Variants in ZSCAN18 observed in about 807,000 individuals in gnomAD.
The protein encoded by ZSCAN18 is zinc finger and SCAN domain containing 18, also known as zinc finger and SCAN domain-containing protein 18.
Under a neutral mutation model 31.1 loss-of-function variants are expected in ZSCAN18, and 16 were observed. The observed-to-expected ratio is 0.51, with a 90% confidence interval of 0.35 to 0.78. ZSCAN18 has a LOEUF of 0.78. Among genes scored for constraint, ZSCAN18 ranks in the 30% least tolerant of loss-of-function variants. ZSCAN18 has a pLI of 0.01. For missense variants in ZSCAN18, 731 were observed against 697.4 expected (o/e 1.05, Z -0.54); for synonymous variants, 375 against 320.7 (o/e 1.17, Z -1.81).
chr19:58,094,216 T>C (rs1461490451), intron 1 of ZSCAN18, among the ~76,000 whole-genome samples: 2 of 149,648 alleles, frequency 1.3e-5, no homozygotes, highest in East Asian at 4.0e-4. Context: ...GCTAACACCG[T>C]GAAACCCCAT....
At chr19:58,094,877 CAAAAAAAAAAAAAAA>C (rs56377325) in intron 1 of ZSCAN18, among the ~76,000 whole-genome samples, 3 of 35,282 alleles carry the variant, frequency 8.5e-5, no homozygotes, top group Admixed American at 4.7e-4. Flanking sequence ...GACCCTGTCG[CAAAAAAAAAAAAAAA>C]AAAAAAAAAA....
upstream of ZSCAN18, chr19:58,098,379 G>C: frequency 1.0e-6 from 1 of 985,540 alleles, no homozygotes; most frequent in Non-Finnish European, 1.2e-6. Flanking sequence ...TGGCCTCCCG[G>C]CGTCCCGCCC....
chr19:58,104,252 G>A (rs190324408), intron 1 of ZSCAN18, among the ~76,000 whole-genome samples: 188 of 152,232 alleles, frequency 1.2e-3, no homozygotes, highest in African/African-American at 4.3e-3. Context: ...GGTGGCGTGC[G>A]CCTGTAGTCC....
At chr19:58,094,272 A>G (rs191915152) in intron 1 of ZSCAN18, among the ~76,000 whole-genome samples, 54 of 151,728 alleles carry the variant, frequency 3.6e-4, no homozygotes, top group African/African-American at 2.7e-4. Flanking sequence ...TTAGCCAGGC[A>G]TGGTGGCAGG....
chr19:58,087,289 C>T, intron 4 of ZSCAN18, 27 bp downstream of exon 4: 1 of 1,581,520 alleles, frequency 6.3e-7, no homozygotes, highest in Non-Finnish European at 8.6e-7. Flanking sequence ...GCCAAGGCCC[C>T]TCACCCACCT....
intron 3 of ZSCAN18, 187 bp downstream of exon 3, chr19:58,088,501 C>G: frequency 1.7e-6 from 1 of 583,164 alleles, no homozygotes; most frequent in East Asian, 2.8e-5. Context: ...TCTGCATAAT[C>G]TCTGAAGACT....
At position 58,118,222 on chromosome 19, in the gene ZSCAN18, G is replaced by GCAGCCACCGCC. The variant is rs757005684; in HGVS notation, c.130+34_130+44dup. On this transcript the variant is annotated intron_variant, in intron 1 of 1. Transcript: ENST00000595721. ...CCTCACAGACAGAAAGAGCGACCAC[G>GCAGCCACCGCC]CAGCCACCGCCCAGCCCCAGCCGCT... The GCAGCCACCGCC allele has an allele frequency of 6.2e-5, 61 of 979,358 alleles. No individual in the cohort carries two copies. The African/African-American group carries it at 9.4e-4, about 15-fold the overall frequency. 60.7% of individuals were successfully genotyped at this position (979,358 alleles called of 1,614,324 possible). A position where few individuals can be genotyped will look rare whatever the true frequency, so the allele number is the denominator to read the frequency against.
At position 58,085,329 on chromosome 19, in the gene ZSCAN18, G is replaced by A; in HGVS notation, c.889C>T (p.Pro297Ser). 2 of 1,595,182 alleles carry A rather than the reference G, an allele frequency of 1.3e-6. No individual in the cohort carries two copies. Among genetic ancestry groups the A allele is most frequent in the Non-Finnish European group, 1.7e-6 (2 of 1,177,894 alleles). Residue 297 changes from proline to serine, a missense_variant, in exon 7 of 7, where the codon CCC becomes TCC. Coordinates refer to ENST00000601144, the MANE Select transcript of ZSCAN18 (RefSeq NM_001145543.2). ...GGCAGCTCAGGCAGCACCCCCGCGG[G>A]GGCGGCCTCCTCGCAGGCGCACCCA... ...SAGCACEEAAPAGVLPELPTE... is the reference protein window; with the variant it reads ...SAGCACEEAASAGVLPELPTE...
At chr19:58,086,383 G>A in intron 5 of ZSCAN18, 117 bp from the exon 6 acceptor site, 1 of 867,502 alleles carries the variant, frequency 1.2e-6, no homozygotes, top group Non-Finnish European at 1.8e-6. Context: ...CTCTGTACTG[G>A]GACCCCCACC....
At chr19:58,097,892 C>A (rs1599993596) in intron 1 of ZSCAN18, 13 of 968,296 alleles carry the variant, frequency 1.3e-5, no homozygotes, top group Middle Eastern at 1.1e-3. Context: ...CTCCCCTCCA[C>A]GAGCCTACAC....
intron 2 of ZSCAN18, 88 bp downstream of exon 2, chr19:58,089,777 T>C (rs1171621107): frequency 1.3e-6 from 2 of 1,485,764 alleles, no homozygotes; most frequent in Non-Finnish European, 1.8e-6. Flanking sequence ...AACTTAACTA[T>C]CTCAGGCAAG....
At chr19:58,094,645 C>T (rs192463070) in intron 1 of ZSCAN18, among the ~76,000 whole-genome samples, 33 of 150,570 alleles carry the variant, frequency 2.2e-4, no homozygotes, top group East Asian at 4.0e-4. Flanking sequence ...TGGGAGGCCA[C>T]GGTAGGTGGA....
rs775768783 is a variant in ZSCAN18 at position 58,090,120 on chromosome 19, G to C, written c.148C>G (p.Leu50Val). ...RTPADLEFSR[L>V]RFREFVYQEA... ...TGGTAGACAAATTCCCGGAAACGCA[G>C]GCGGGAGAACTCCAGGTCAGCAGGG... The change falls in exon 2 of 7, where the codon CTG becomes GTG. Residue 50 changes from leucine (L) to valine (V), a missense_variant. By Grantham distance (32) the Leu-to-Val change is conservative. Around this residue, in one of 4 missense-constraint regions of ZSCAN18, gnomAD observed 86 missense variants for 119.1 expected, o/e 0.72. Coordinates refer to ENST00000601144, the MANE Select transcript of ZSCAN18 (RefSeq NM_001145543.2). The surrounding 1 kb of genome is among the most constrained non-coding windows in gnomAD (Gnocchi z 4.7). The C allele has an allele frequency of 6.2e-7, 1 of 1,613,836 alleles. No homozygotes were observed. Among genetic ancestry groups the C allele is most frequent in the Non-Finnish European group, 8.5e-7 (1 of 1,179,894 alleles).
chr19:58,110,736 C>T lies in ZSCAN18; in HGVS notation c.130+7531G>A, dbSNP rs552871071. Among the ~76,000 whole-genome samples, 12 of 152,332 alleles carry T rather than the reference C, an allele frequency of 7.9e-5. No individual in the cohort carries two copies. The South Asian group carries it at 2.5e-3, about 32-fold the overall frequency. On this transcript the variant is annotated intron_variant, in intron 1 of 1. Transcript: ENST00000595721. ...CACTGTGGTCCAAGTTATAATCACCCTTTTATTATAAATTGAAGCATAATT... is the reference window on the plus strand; with the variant it reads ...CACTGTGGTCCAAGTTATAATCACCTTTTTATTATAAATTGAAGCATAATT...
chr19:58,093,179 C>T (rs1362336569), intron 1 of ZSCAN18: 1 of 152,296 alleles, frequency 6.6e-6, no homozygotes, highest in Non-Finnish European at 1.5e-5. Context: ...CGCTCACTGC[C>T]CCCGCCTTTT....
upstream of ZSCAN18, chr19:58,098,278 C>T (rs76612210): frequency 3.0e-3 from 2,934 of 985,494 alleles, 56 homozygotes; most frequent in African/African-American, 0.047. Flanking sequence ...CGGACTACGA[C>T]TCCCACAATG....
upstream of ZSCAN18, chr19:58,098,439 C>G (rs1308758106): frequency 1.1e-6 from 1 of 939,362 alleles, no homozygotes. Context: ...AGTAAACAAG[C>G]GGGTAAATAA....
chr19:58,108,652 G>A (rs1256949112), intron 1 of ZSCAN18: 33 of 985,508 alleles, frequency 3.3e-5, no homozygotes, highest in Non-Finnish European at 4.0e-5. Context: ...CGGTCTAACG[G>A]ACAGTCCACA....
Position 58,089,409 on chromosome 19 carries a change from C to A in ZSCAN18, c.403+456G>T, listed in dbSNP as rs1009764218. Among the ~76,000 whole-genome samples, 6 of 149,520 alleles carry A rather than the reference C, an allele frequency of 4.0e-5. No individual in the cohort carries two copies. In the East Asian group the frequency reaches 6.0e-4, roughly 15 times the overall value. The stretch of plus-strand genomic sequence containing the variant: ...TTGGGAGACCAAGGCGGGCAGATCA[C>A]GAGGTCAGGAGATTGATACCATCCT... On this transcript the variant is annotated intron_variant, in intron 2 of 6. Transcript: ENST00000601144.
Sources: gnomAD v4.1 joint callset for allele counts (sites outside exome capture counted in the v4.1 genomes callset) on GRCh38, gnomAD v4.1.1 for gene constraint, gnomAD v4.1.1 regional missense constraint, Gnocchi (gnomAD v3.1) non-coding constraint, MANE v1.5 for transcripts, NCBI Gene and HGNC (gene_info 2026-07-23, HGNC 2026-07-21) for gene names.